CFH: variants seen among roughly 807,000 people sequenced by gnomAD.
CFH encodes the protein H factor 1 (complement).
CFH carries 53 observed loss-of-function variants against 147.3 expected under a neutral mutation model. That is an observed-to-expected ratio of 0.36 (90% CI 0.29 to 0.45). CFH has a LOEUF of 0.45. Among genes scored for constraint, CFH ranks in the 20% least tolerant of loss-of-function variants. CFH has a pLI of 1.00. For missense variants in CFH, 1,380 were observed against 1,498.0 expected, an observed-to-expected ratio of 0.92 and a Z score of 1.30; for synonymous variants, 536 against 489.4, an observed-to-expected ratio of 1.10 and a Z score of -1.26.
rs1448107215 is a variant in CFH, at chr1:196,677,426, C to A, written c.428-50C>A. On this transcript the variant is annotated intron_variant, in intron 4 of 21. Transcript: ENST00000367429. ...ATTTTATACATACACATATTTTTCA[C>A]AATAAACTTTTAAAATTCCATTAGA... 7.1e-6 allele frequency: 11 copies of A among 1,541,196 alleles called. No homozygotes were observed. The East Asian group carries it at 2.5e-4, about 35-fold the overall frequency.
intron 1 of CFH, among the ~76,000 whole-genome samples, chr1:196,671,859 G>A (rs1667292852): frequency 1.3e-5 from 2 of 149,000 alleles, no homozygotes; most frequent in Non-Finnish European, 3.0e-5. Flanking sequence ...ATATATAAAT[G>A]AAACAGCAGA....
chr1:196,710,834 AT>A (rs1668708889), intron 9 of CFH, among the ~76,000 whole-genome samples: 1 of 152,050 alleles, frequency 6.6e-6, no homozygotes, highest in African/African-American at 2.4e-5. Context: ...ATAACTAAAT[AT>A]TTTGTATTTC....
intron 14 of CFH, 98 bp downstream of exon 14, chr1:196,727,038 C>A: frequency 9.5e-7 from 1 of 1,053,802 alleles, no homozygotes; most frequent in South Asian, 1.3e-5. Flanking sequence ...ACAGATATGC[C>A]TCAACATTTC....
intron 15 of CFH, among the ~76,000 whole-genome samples, chr1:196,729,948 C>T (rs566699725): frequency 5.2e-4 from 79 of 151,738 alleles, no homozygotes; most frequent in African/African-American, 1.5e-3. Flanking sequence ...TTTTCATCTC[C>T]GATCTTGTGT....
intron 11 of CFH, among the ~76,000 whole-genome samples, 200 bp downstream of exon 11, chr1:196,715,969 G>A (rs750311645): frequency 2.0e-5 from 3 of 151,812 alleles, no homozygotes; most frequent in Non-Finnish European, 4.4e-5. Context: ...ACTTCCTATG[G>A]GCCACCTACC....
intron 9 of CFH, among the ~76,000 whole-genome samples, chr1:196,706,973 C>G (rs402991): frequency 0.67 from 100,867 of 151,368 alleles, 34,504 homozygotes; most frequent in East Asian, 0.95. Flanking sequence ...AATGTCTGAG[C>G]TAATGAGAGC....
chr1:196,711,649 C>A (rs1221905475), intron 9 of CFH, among the ~76,000 whole-genome samples: 1 of 151,662 alleles, frequency 6.6e-6, no homozygotes, highest in African/African-American at 2.4e-5. Context: ...CTTAAAAAAC[C>A]CCAGAGATAG....
At chr1:196,735,477 C>A (rs1449431035) in intron 15 of CFH, among the ~76,000 whole-genome samples, 1 of 152,028 alleles carries the variant, frequency 6.6e-6, no homozygotes, top group Non-Finnish European at 1.5e-5. Flanking sequence ...GTTAAATAAT[C>A]TCTTTCTTAA....
rs114629589 is a variant in CFH at position 196,699,770 on chromosome 1, T to C, written c.1336+9531T>C. ...TATGTTTTCTTTATTGAATTGCCTT[T>C]GCTCCTTTTTTAAATTGAAAACATC... On this transcript the variant is annotated intron_variant, in intron 9 of 21. Coordinates refer to ENST00000367429, the MANE Select transcript of CFH (RefSeq NM_000186.4). 4.1e-3 allele frequency among the ~76,000 whole-genome samples: 627 copies of C among 152,302 alleles called. 2 individuals are homozygous for C. Among genetic ancestry groups the C allele is most frequent in the African/African-American group, 0.015 (608 of 41,580 alleles).
At chr1:196,691,598 A>T (rs1488584081) in intron 9 of CFH, among the ~76,000 whole-genome samples, 1 of 151,702 alleles carries the variant, frequency 6.6e-6, no homozygotes, top group Non-Finnish European at 1.5e-5. Context: ...GATTTTCTTT[A>T]TTTACCTTTT....
At chr1:196,744,404 C>T (rs1652931606) in intron 20 of CFH, among the ~76,000 whole-genome samples, 1 of 152,082 alleles carries the variant, frequency 6.6e-6, no homozygotes, top group African/African-American at 2.4e-5. Flanking sequence ...TCCTATTTCC[C>T]TATTCCTCCA....
At chr1:196,693,262 G>C (rs1668128209) in intron 9 of CFH, among the ~76,000 whole-genome samples, 1 of 152,026 alleles carries the variant, frequency 6.6e-6, no homozygotes, top group East Asian at 1.9e-4. Context: ...ATGCAAACTG[G>C]CTGTAGTTTC....
intron 20 of CFH, among the ~76,000 whole-genome samples, chr1:196,745,188 A>G (rs1166175470): frequency 6.6e-6 from 1 of 152,076 alleles, no homozygotes; most frequent in Admixed American, 6.6e-5. Flanking sequence ...TCAGCTTCTT[A>G]AATATAAGTT....
At chr1:196,733,540 A>C (rs1451545187) in intron 15 of CFH, among the ~76,000 whole-genome samples, 1 of 152,086 alleles carries the variant, frequency 6.6e-6, no homozygotes, top group Non-Finnish European at 1.5e-5. Flanking sequence ...GCTGCATTTT[A>C]AAAACCTTTT....
chr1:196,674,987 G>C (rs143650806), intron 3 of CFH, among the ~76,000 whole-genome samples: 183 of 152,226 alleles, frequency 1.2e-3, no homozygotes, highest in African/African-American at 4.1e-3. Flanking sequence ...ACCTGAGGGA[G>C]GTTTTTCAAA....
chr1:196,715,465 T>G, intron 10 of CFH, 128 bp from the exon 11 acceptor site: 1 of 709,598 alleles, frequency 1.4e-6, no homozygotes, highest in Non-Finnish European at 2.4e-6. Flanking sequence ...CAGTCATAGA[T>G]TATTTTTGTA....
intron 18 of CFH, 132 bp downstream of exon 18, chr1:196,740,924 G>A: frequency 3.3e-6 from 3 of 902,384 alleles, no homozygotes; most frequent in Non-Finnish European, 5.3e-6. Context: ...ACTGCTGTGG[G>A]AAATTATAGC....
intron 1 of CFH, 83 bp downstream of exon 1, chr1:196,652,258 T>C: frequency 8.9e-7 from 1 of 1,128,210 alleles, no homozygotes; most frequent in Non-Finnish European, 1.3e-6. Context: ...AATAAAAATT[T>C]GATTTAGAAA....
intron 15 of CFH, among the ~76,000 whole-genome samples, chr1:196,734,746 A>G (rs1669362512): frequency 6.6e-6 from 1 of 151,950 alleles, no homozygotes; most frequent in Non-Finnish European, 1.5e-5. Flanking sequence ...CATTTTTTAA[A>G]TCTTGATCAT....
Sources: gnomAD v4.1 joint callset for allele counts (sites outside exome capture counted in the v4.1 genomes callset) on GRCh38, gnomAD v4.1.1 for gene constraint, MANE v1.5 for transcripts, NCBI Gene and HGNC (gene_info 2026-07-23, HGNC 2026-07-21) for gene names.